COL26A1: variants seen among roughly 807,000 people sequenced by gnomAD.
The protein encoded by COL26A1 is collagen alpha-1(XXVI) chain.
A neutral mutation model predicts 59.3 loss-of-function variants in COL26A1; 41 were observed. The observed-to-expected ratio is 0.69, with a 90% CI of 0.54 to 0.90. The LOEUF (loss-of-function observed/expected upper bound fraction) is 0.90. Ranked by LOEUF, COL26A1 falls within the 40% of genes least tolerant of loss-of-function variation. COL26A1 has a pLI of 0.00. For missense variants in COL26A1, 612 were observed against 602.3 expected, an observed-to-expected ratio of 1.02 and a Z score of -0.17; for synonymous variants, 266 against 256.0, an observed-to-expected ratio of 1.04 and a Z score of -0.37.
At chr7:101,496,559 G>T (rs1326600942) in intron 3 of COL26A1, among the ~76,000 whole-genome samples, 3 of 152,252 alleles carry the variant, frequency 2.0e-5, no homozygotes, top group Admixed American at 2.0e-4. Context: ...CCTCTGTGGG[G>T]TCTTCAAACT....
chr7:101,482,098 C>A, intron 3 of COL26A1, among the ~76,000 whole-genome samples: 1 of 151,908 alleles, frequency 6.6e-6, no homozygotes, highest in South Asian at 2.1e-4. Flanking sequence ...CTCACTGCAA[C>A]CTCTGCCTCC....
intron 3 of COL26A1, among the ~76,000 whole-genome samples, chr7:101,524,187 C>T (rs561360779): frequency 6.6e-6 from 1 of 151,250 alleles, no homozygotes; most frequent in East Asian, 2.0e-4. Context: ...ACTAGAGTTG[C>T]TTGAACCCAG....
rs202064936 is a variant in COL26A1 at position 101,489,210 on chromosome 7, G to C, written c.385+41423G>C. Among the ~76,000 whole-genome samples the C allele has an allele frequency of 1.8e-4, 27 of 152,108 alleles. 1 individual carries two copies. In the East Asian group the frequency reaches 5.2e-3, roughly 29 times the overall value. ...GTGGGAATCAGTCCTTTAACAACAG[G>C]ACTTTAGTCTGTGGGATTGGAGGAG... On this transcript the variant is annotated intron_variant, in intron 3 of 12. Transcript: ENST00000313669.
chr7:101,501,047 A>G (rs954614236), intron 3 of COL26A1, among the ~76,000 whole-genome samples: 8 of 146,838 alleles, frequency 5.4e-5, no homozygotes, highest in Non-Finnish European at 7.5e-5. Context: ...TTAGCCGGGC[A>G]TGGTGGTAGG....
intron 12 of COL26A1, among the ~76,000 whole-genome samples, chr7:101,557,025 A>C (rs111611383): frequency 1.8e-5 from 1 of 56,712 alleles, no homozygotes; most frequent in Non-Finnish European, 4.6e-5. Context: ...GGATGGATGG[A>C]TGGATGGATG....
chr7:101,420,870 A>G (rs1015937748), intron 2 of COL26A1, among the ~76,000 whole-genome samples: 4 of 151,408 alleles, frequency 2.6e-5, no homozygotes, highest in Non-Finnish European at 5.9e-5. Flanking sequence ...ACCAGCATTC[A>G]CGGTCTCCAA....
chr7:101,387,039 G>C (rs1791594029), intron 1 of COL26A1, among the ~76,000 whole-genome samples: 1 of 152,138 alleles, frequency 6.6e-6, no homozygotes, highest in African/African-American at 2.4e-5. Flanking sequence ...AAACGCGCCT[G>C]CTTTGCTGAC....
At chr7:101,523,989 G>C (rs186337108) in intron 3 of COL26A1, among the ~76,000 whole-genome samples, 1 of 151,998 alleles carries the variant, frequency 6.6e-6, no homozygotes, top group Non-Finnish European at 1.5e-5. Context: ...AACAATTGTG[G>C]CCAGGCACAG....
chr7:101,461,993 G>A (rs1026625100), intron 3 of COL26A1, among the ~76,000 whole-genome samples: 5 of 141,354 alleles, frequency 3.5e-5, no homozygotes, highest in Non-Finnish European at 7.6e-5. Context: ...TATCCACGGA[G>A]CACTTTTTTT....
chr7:101,463,845 C>G (rs1483024214), intron 3 of COL26A1, among the ~76,000 whole-genome samples: 6 of 129,120 alleles, frequency 4.6e-5, no homozygotes. Flanking sequence ...TCCTTCCCTC[C>G]CTCCCTCTTT....
chr7:101,363,311 G>T, intron 1 of COL26A1, 121 bp downstream of exon 1: 1 of 848,292 alleles, frequency 1.2e-6, no homozygotes, highest in Non-Finnish European at 1.7e-6. Flanking sequence ...CCGGGACTTG[G>T]GGGCGCAGGG....
intron 1 of COL26A1, among the ~76,000 whole-genome samples, chr7:101,412,325 C>T (rs991657010): frequency 6.6e-5 from 10 of 152,114 alleles, no homozygotes; most frequent in South Asian, 2.1e-4. Context: ...TGGAAGTTTA[C>T]GCATAAACCA....
chr7:101,454,284 T>G (rs2130399810), intron 3 of COL26A1, among the ~76,000 whole-genome samples: 1 of 147,590 alleles, frequency 6.8e-6, no homozygotes, highest in African/African-American at 2.5e-5. Flanking sequence ...TTTTTTTTTG[T>G]TATGGAGTCT....
chr7:101,461,901 T>C (rs1007062567), intron 3 of COL26A1, among the ~76,000 whole-genome samples: 1 of 152,002 alleles, frequency 6.6e-6, no homozygotes, highest in Admixed American at 6.6e-5. Flanking sequence ...GCCCTCACCG[T>C]TGGGGCCATG....
chr7:101,420,126 T>C, intron 2 of COL26A1, 27 bp downstream of exon 2: 1 of 1,609,082 alleles, frequency 6.2e-7, no homozygotes, highest in East Asian at 2.2e-5. Flanking sequence ...TAGGCTGCTC[T>C]GCCCTTCCCT....
intron 2 of COL26A1, among the ~76,000 whole-genome samples, chr7:101,436,031 G>A (rs998616753): frequency 5.9e-5 from 9 of 152,118 alleles, no homozygotes; most frequent in Non-Finnish European, 1.2e-4. Context: ...CCTCCTTAGC[G>A]GGACTGTTTG....
intron 3 of COL26A1, among the ~76,000 whole-genome samples, chr7:101,471,451 C>G (rs564936441): frequency 6.6e-6 from 1 of 151,956 alleles, no homozygotes; most frequent in South Asian, 2.1e-4. Flanking sequence ...TTAGAGACTA[C>G]TCAATTACAG....
At chr7:101,479,663 A>G (rs1352104799) in intron 3 of COL26A1, among the ~76,000 whole-genome samples, 1 of 152,160 alleles carries the variant, frequency 6.6e-6, no homozygotes, top group East Asian at 1.9e-4. Flanking sequence ...GAGGATCCAC[A>G]TATTTTTAAA....
chr7:101,465,691 CAAAAAAA>C (rs539721605), intron 3 of COL26A1, among the ~76,000 whole-genome samples: 77 of 102,660 alleles, frequency 7.5e-4, no homozygotes, highest in African/African-American at 9.6e-4. Context: ...GAAACTGTCT[CAAAAAAA>C]AAAAAAAAAA....
Sources: allele counts gnomAD v4.1 joint callset (sites outside exome capture counted in the v4.1 genomes callset), GRCh38; gene constraint gnomAD v4.1.1; transcripts MANE v1.5; gene names NCBI Gene and HGNC (gene_info 2026-07-23, HGNC 2026-07-21).